The following PHTF2 variants were observed in gnomAD, a reference collection of about 807,000 sequenced individuals.
The protein encoded by PHTF2 is protein PHTF2.
In PHTF2, 60 loss-of-function variants were observed where a neutral mutation model predicts 101.2. The ratio of observed to expected loss-of-function variants is 0.59; its 90% CI spans 0.48 to 0.73. The LOEUF is 0.73. PHTF2 is among the 30% of genes least tolerant of loss of function. PHTF2 has a pLI of 0.00. For synonymous variants in PHTF2, 311 were observed against 307.3 expected (o/e 1.01, Z -0.13); for missense variants, 747 against 908.7 (o/e 0.82, Z 2.29).
intron 1 of PHTF2, among the ~76,000 whole-genome samples, chr7:77,817,053 A>G (rs1028348909): frequency 1.3e-5 from 2 of 152,168 alleles, no homozygotes; most frequent in Non-Finnish European, 2.9e-5. Flanking sequence ...TCATCAATAT[A>G]CTGATTTTCT....
chr7:77,950,133 C>T (rs1464594248), intron 17 of PHTF2, among the ~76,000 whole-genome samples: 7 of 152,030 alleles, frequency 4.6e-5, no homozygotes, highest in Non-Finnish European at 1.0e-4. Flanking sequence ...AGCAGAGCCG[C>T]ATTTGAGTAA....
At chr7:77,808,202 T>C (rs1360637597) in intron 1 of PHTF2, among the ~76,000 whole-genome samples, 2 of 152,212 alleles carry the variant, frequency 1.3e-5, no homozygotes, top group African/African-American at 4.8e-5. Context: ...GTATGAGTTT[T>C]TCTATTTCTG....
intron 13 of PHTF2, 21 bp downstream of exon 12, chr7:77,937,859 C>G (rs748647724): frequency 7.2e-7 from 1 of 1,380,264 alleles, no homozygotes; most frequent in Non-Finnish European, 9.8e-7. Flanking sequence ...AAATTTTATT[C>G]TTGTAGTTCA....
At chr7:77,912,842 C>T (rs1288037102) in intron 9 of PHTF2, among the ~76,000 whole-genome samples, 3 of 149,508 alleles carry the variant, frequency 2.0e-5, no homozygotes, top group East Asian at 2.0e-4. Context: ...AGGTGATTCT[C>T]CCACTTCAGA....
intron 12 of PHTF2, among the ~76,000 whole-genome samples, chr7:77,932,882 C>A (rs1053985460): frequency 6.6e-6 from 1 of 152,056 alleles, no homozygotes. Flanking sequence ...CCTTTACAAC[C>A]TGTGGTAATG....
intron 3 of PHTF2, among the ~76,000 whole-genome samples, chr7:77,856,431 C>G (rs1273808652): frequency 2.0e-5 from 3 of 152,112 alleles, no homozygotes; most frequent in Admixed American, 2.0e-4. Flanking sequence ...TCATATCTCA[C>G]TGTAACCTAG....
rs762467405 is a variant in PHTF2 at position 77,922,615 on chromosome 7, C to T, written c.964-8C>T. On this transcript the variant is annotated splice_region_variant and splice_polypyrimidine_tract_variant and intron_variant, in intron 10 of 19. Coordinates refer to ENST00000416283, the Ensembl canonical transcript of PHTF2. ...ACCTATAATCCTCTTTGTGTACTCC[C>T]AACTTAGGATACCCAAAGGACAATA... 2.2e-5 allele frequency: 35 copies of T among 1,600,830 alleles called. No individual in the cohort carries two copies. The highest frequency in any genetic ancestry group is 2.8e-5 in the Non-Finnish European group (33 of 1,171,678).
chr7:77,864,729 G>C (rs1435522950), intron 3 of PHTF2, among the ~76,000 whole-genome samples: 2 of 151,496 alleles, frequency 1.3e-5, no homozygotes, highest in Admixed American at 1.3e-4. Flanking sequence ...CCTCCTGCTA[G>C]TGCTCCTATG....
At chr7:77,852,052 G>C (rs1025619374) in intron 2 of PHTF2, among the ~76,000 whole-genome samples, 15 of 152,106 alleles carry the variant, frequency 9.9e-5, no homozygotes, top group African/African-American at 3.6e-4. Context: ...GTGTGAGATA[G>C]CCTTGCTTTG....
At chr7:77,956,994 C>T (rs1441972232) in exon 20 of PHTF2, 3 of 152,106 alleles carry the variant, frequency 2.0e-5, no homozygotes, top group Admixed American at 1.3e-4. Flanking sequence ...TCATGTTAAG[C>T]AATTTCAGAA....
At chr7:77,801,313 C>T (rs962291114) in intron 1 of PHTF2, among the ~76,000 whole-genome samples, 1 of 152,168 alleles carries the variant, frequency 6.6e-6, no homozygotes, top group Non-Finnish European at 1.5e-5. Flanking sequence ...AAGCTGGGTG[C>T]GGTGGCTCAC....
In PHTF2 at chr7:77,898,092, C is replaced by T. The variant is rs1162837181; in HGVS notation, c.217-2619C>T. 2.7e-5 allele frequency among the ~76,000 whole-genome samples: 4 copies of T among 150,866 alleles called. 1 individual carries two copies. In the East Asian group the frequency reaches 5.8e-4, roughly 22 times the overall value. On this transcript the variant is annotated intron_variant, in intron 5 of 19. Coordinates refer to ENST00000416283, the Ensembl canonical transcript of PHTF2. ...TAGGGTGTGGCTCTACAATATAGCT[C>T]AAAATAAATATATTTTAATAGAATA...
chr7:77,810,576 C>T (rs1017633542), intron 1 of PHTF2, among the ~76,000 whole-genome samples: 13 of 152,250 alleles, frequency 8.5e-5, no homozygotes, highest in Admixed American at 4.6e-4. Context: ...CTTGCTCTGT[C>T]GTCCAGGCTG....
rs560442434 is a variant in PHTF2 at position 77,886,446 on chromosome 7, G to A, written c.148-7162G>A. Among the ~76,000 whole-genome samples, 12 of 152,100 alleles carry A rather than the reference G, an allele frequency of 7.9e-5. No homozygotes were observed. The East Asian group carries it at 9.6e-4, about 12-fold the overall frequency. On this transcript the variant is annotated intron_variant, in intron 3 of 19. Transcript: ENST00000416283. The stretch of plus-strand genomic sequence containing the variant: ...TTTTTCTCTACCTACCAATCCTCCC[G>A]TTTCTTTACGCTTTTCTTTCCTTCC...
At chr7:77,918,605 A>G (rs931376597) in intron 9 of PHTF2, among the ~76,000 whole-genome samples, 2 of 152,224 alleles carry the variant, frequency 1.3e-5, no homozygotes, top group African/African-American at 4.8e-5. Flanking sequence ...ACAGTGTTCA[A>G]GGGAGAGGTA....
chr7:77,836,139 GAA>G (rs1486825679), intron 1 of PHTF2, among the ~76,000 whole-genome samples: 1 of 120,348 alleles, frequency 8.3e-6, no homozygotes, highest in Non-Finnish European at 1.7e-5. Context: ...AAAAAAAAAA[GAA>G]GAGGAAGAAG....
At chr7:77,817,375 A>G (rs1793931398) in intron 1 of PHTF2, among the ~76,000 whole-genome samples, 1 of 152,188 alleles carries the variant, frequency 6.6e-6, no homozygotes, top group Admixed American at 6.5e-5. Context: ...GGTAATTTAT[A>G]AAGGAAAGAG....
At chr7:77,847,651 C>T (rs1796409571) in intron 2 of PHTF2, among the ~76,000 whole-genome samples, 1 of 152,176 alleles carries the variant, frequency 6.6e-6, no homozygotes, top group Non-Finnish European at 1.5e-5. Flanking sequence ...CATATAATCA[C>T]ATCACTGTAA....
At position 77,884,010 on chromosome 7, in the gene PHTF2, G is replaced by A. The variant is rs151057447; in HGVS notation, c.148-9598G>A. 1.1e-3 allele frequency among the ~76,000 whole-genome samples: 161 copies of A among 152,232 alleles called. 1 individual carries two copies. Among genetic ancestry groups the A allele is most frequent in the Non-Finnish European group, 1.8e-3 (119 of 67,996 alleles). ...ATGTGTTTTATTGTCCCCATTATAC[G>A]GAGGTTGAGAGGTCAAGTACCTTGT... On this transcript the variant is annotated intron_variant, in intron 3 of 19. Transcript: ENST00000416283.
Sources: allele counts gnomAD v4.1 joint callset (sites outside exome capture counted in the v4.1 genomes callset), GRCh38; gene constraint gnomAD v4.1.1; transcripts MANE v1.5; gene names NCBI Gene and HGNC (gene_info 2026-07-23, HGNC 2026-07-21).